NUP153: variants seen among roughly 807,000 people sequenced by gnomAD.
NUP153 encodes nuclear pore complex protein Nup153.
A neutral mutation model predicts 134.6 loss-of-function variants in NUP153; 27 were observed. That is an observed-to-expected ratio of 0.20 (90% CI 0.15 to 0.28). The LOEUF (loss-of-function observed/expected upper bound fraction) is 0.28, where lower values mean the gene tolerates loss of function less well. NUP153 is among the 10% of genes least tolerant of loss of function. The pLI is 1.00. For synonymous variants in NUP153, 640 were observed against 623.5 expected (o/e 1.03, Z -0.40); for missense variants, 1,821 against 1,731.3 (o/e 1.05, Z -0.92).
At chr6:17,695,462 T>C (rs1413094407) in intron 1 of NUP153, among the ~76,000 whole-genome samples, 1 of 152,140 alleles carries the variant, frequency 6.6e-6, no homozygotes, top group Non-Finnish European at 1.5e-5. Context: ...ACAATAGAAT[T>C]TTACCTAAAA....
At chr6:17,661,031 C>A (rs1178312763) in intron 11 of NUP153, among the ~76,000 whole-genome samples, 1 of 151,946 alleles carries the variant, frequency 6.6e-6, no homozygotes, top group African/African-American at 2.4e-5. Context: ...AAGAAGAAGA[C>A]AGGCAGGGCA....
chr6:17,674,229 A>G (rs1171683057), intron 5 of NUP153, among the ~76,000 whole-genome samples: 1 of 152,190 alleles, frequency 6.6e-6, no homozygotes. Context: ...ATGTCTGATC[A>G]ATATTTGATT....
At chr6:17,631,499 C>T (rs1280463111) in intron 17 of NUP153, among the ~76,000 whole-genome samples, 4 of 152,146 alleles carry the variant, frequency 2.6e-5, no homozygotes, top group Admixed American at 2.6e-4. Flanking sequence ...TCATCATCTA[C>T]CCCCCATCCC....
At position 17,628,660 on chromosome 6, in the gene NUP153, G is replaced by A. The variant is rs1255016624; in HGVS notation, c.3539C>T (p.Thr1180Ile). 6 of 1,563,812 alleles carry A rather than the reference G, an allele frequency of 3.8e-6. No homozygotes were observed. Among genetic ancestry groups the A allele is most frequent in the Middle Eastern group, 3.4e-4 (2 of 5,874 alleles). The change falls in exon 18 of 22, where the codon ACA (threonine) becomes ATA (isoleucine). Residue 1180 changes from threonine to isoleucine, a missense_variant. Coordinates refer to ENST00000262077, the MANE Select transcript of NUP153 (RefSeq NM_005124.4). This position sits in a 1 kb window ranked among gnomAD's most constrained non-coding sequence, Gnocchi z 5.4. ...AATAAAAAGTTAATACTTACCAGCT[G>A]TAGTACTAGTTTGAGCTCCAAAGGC... is the stretch of plus-strand genomic sequence containing the variant. ...TFAFGAQTST[T>I]ADQGAAKPVF... is the part of the protein sequence containing the mutation.
At chr6:17,662,572 AATC>A (rs1408145033) in intron 9 of NUP153, among the ~76,000 whole-genome samples, 1 of 152,236 alleles carries the variant, frequency 6.6e-6, no homozygotes, top group African/African-American at 2.4e-5. Flanking sequence ...TACAGGCAAG[AATC>A]ATCAATAATG....
rs371195705 is a variant in NUP153 at position 17,704,199 on chromosome 6, G to T, written c.111+2078C>A. 6.2e-3 allele frequency among the ~76,000 whole-genome samples: 945 copies of T among 152,114 alleles called. 8 individuals are homozygous for T. The highest frequency in any genetic ancestry group is 9.3e-3 in the Non-Finnish European group (635 of 68,014). ...TCCAGCTACTCTGGAGGCTGAGGCA[G>T]GAGAATGGCATTAACCCGGGAGGCG... On this transcript the variant is annotated intron_variant, in intron 1 of 21. Coordinates refer to ENST00000262077, the MANE Select transcript of NUP153 (RefSeq NM_005124.4).
Position 17,628,858 on chromosome 6 carries a change from G to A in NUP153, c.3341C>T (p.Thr1114Ile). ...EEKQQEPVTS[T>I]SLVFGKKADN... Reference sequence around the variant, plus strand: ...AGCTTTCTTCCCAAAAACTAGGGAAGTAGAAGTGACAGGCTCTTGCTGTTT... The same window carrying A: ...AGCTTTCTTCCCAAAAACTAGGGAAATAGAAGTGACAGGCTCTTGCTGTTT... The change falls in exon 18 of 22, where the codon ACT (threonine) becomes ATT (isoleucine). Residue 1114 changes from threonine (T) to isoleucine (I), a missense_variant. By Grantham distance (89) the Thr-to-Ile change is moderately conservative. Transcript: ENST00000262077. The surrounding 1 kb of genome is among the most constrained non-coding windows in gnomAD (Gnocchi z 5.4). 1 of 1,614,240 alleles carries A rather than the reference G, an allele frequency of 6.2e-7. No individual in the cohort carries two copies. Among genetic ancestry groups the A allele is most frequent in the Non-Finnish European group, 8.5e-7 (1 of 1,180,038 alleles).
At chr6:17,702,331 C>A (rs1770168192) in intron 1 of NUP153, among the ~76,000 whole-genome samples, 1 of 152,108 alleles carries the variant, frequency 6.6e-6, no homozygotes, top group Non-Finnish European at 1.5e-5. Context: ...CACGGTGAAA[C>A]CCCGTCTCTG....
At chr6:17,674,147 G>A (rs1280151052) in intron 5 of NUP153, among the ~76,000 whole-genome samples, 3 of 152,178 alleles carry the variant, frequency 2.0e-5, no homozygotes, top group African/African-American at 4.8e-5. Flanking sequence ...AAACAGATCC[G>A]TGGTTGCCAG....
intron 8 of NUP153, among the ~76,000 whole-genome samples, 180 bp downstream of exon 8, chr6:17,668,795 A>C (rs1423300760): frequency 2.6e-5 from 4 of 151,952 alleles, no homozygotes; most frequent in Non-Finnish European, 5.9e-5. Flanking sequence ...GTGAGTCAAG[A>C]TGGCACCACT....
chr6:17,635,191 G>A (rs6936505), intron 16 of NUP153, among the ~76,000 whole-genome samples: 31,796 of 140,230 alleles, frequency 0.23, 3,937 homozygotes, highest in Non-Finnish European at 0.28. Flanking sequence ...CTCACTGCAA[G>A]CTCCACCTCC....
intron 11 of NUP153, among the ~76,000 whole-genome samples, chr6:17,650,069 T>A (rs1354723041): frequency 6.6e-6 from 1 of 152,270 alleles, no homozygotes; most frequent in Admixed American, 6.5e-5. Flanking sequence ...ACAAACAAAA[T>A]GAGTTCCACT....
intron 1 of NUP153, 39 bp from the exon 2 acceptor site, chr6:17,688,657 T>A (rs1292343260): frequency 6.6e-7 from 1 of 1,504,784 alleles, no homozygotes; most frequent in Non-Finnish European, 9.1e-7. Context: ...GTTTTAGAAA[T>A]TTATCTTTTT....
At chr6:17,692,882 C>T (rs1769368906) in intron 1 of NUP153, among the ~76,000 whole-genome samples, 1 of 152,040 alleles carries the variant, frequency 6.6e-6, no homozygotes, top group African/African-American at 2.4e-5. Context: ...CCCTCCAAAA[C>T]AGATGAATAA....
At chr6:17,644,866 A>T (rs1231476444) in intron 14 of NUP153, among the ~76,000 whole-genome samples, 7 of 152,162 alleles carry the variant, frequency 4.6e-5, no homozygotes, top group Admixed American at 6.5e-5. Context: ...CAGGCAGATC[A>T]CGAGGTTAGG....
rs760036221 is a variant in NUP153, at chr6:17,665,221, A to AAATAT, written c.1215+13_1215+17dup. On this transcript the variant is annotated intron_variant, in intron 9 of 21. Coordinates refer to ENST00000262077, the MANE Select transcript of NUP153 (RefSeq NM_005124.4). ...CTAATCAATATTCAAAGACTGGTAG[A>AAATAT]AATATACATATACTCACACTGCACT... 15 of 1,569,134 alleles carry AAATAT rather than the reference A, an allele frequency of 9.6e-6. No individual in the cohort carries two copies. In the East Asian group the frequency reaches 1.1e-4, roughly 12 times the overall value.
intron 16 of NUP153, among the ~76,000 whole-genome samples, chr6:17,635,646 G>A (rs78331228): frequency 0.062 from 9,371 of 152,226 alleles, 390 homozygotes; most frequent in Non-Finnish European, 0.084. Context: ...CAATATACCC[G>A]CCTTGGCTTC....
At chr6:17,632,982 G>A in intron 16 of NUP153, 138 bp from the exon 17 acceptor site, 1 of 601,906 alleles carries the variant, frequency 1.7e-6, no homozygotes, top group Non-Finnish European at 2.7e-6. Context: ...CACAGAATGT[G>A]CCAGAAATAG....
chr6:17,627,635 A>G (rs1765012063), intron 18 of NUP153, among the ~76,000 whole-genome samples: 1 of 152,164 alleles, frequency 6.6e-6, no homozygotes, highest in African/African-American at 2.4e-5. Context: ...AGTTGGGATT[A>G]TAGGTGTGAG....
Sources: gnomAD v4.1 joint callset for allele counts (sites outside exome capture counted in the v4.1 genomes callset) on GRCh38, gnomAD v4.1.1 for gene constraint, Gnocchi (gnomAD v3.1) non-coding constraint, MANE v1.5 for transcripts, NCBI Gene and HGNC (gene_info 2026-07-23, HGNC 2026-07-21) for gene names.